The following NEGR1 variants were observed in gnomAD, a reference collection of about 807,000 sequenced individuals.
The protein encoded by NEGR1 is IgLON family member 4.
Under a neutral mutation model 40.9 loss-of-function variants are expected in NEGR1, and 10 were observed. That is an observed-to-expected ratio of 0.24 (90% confidence interval 0.15 to 0.42). The LOEUF (loss-of-function observed/expected upper bound fraction) is 0.42, where lower values mean the gene tolerates loss of function less well. Among genes scored for constraint, NEGR1 ranks in the 10% least tolerant of loss-of-function variants. The pLI, the probability that NEGR1 is intolerant of heterozygous loss-of-function variation, is 1.00. For missense variants in NEGR1, 352 were observed against 438.9 expected (o/e 0.80, Z 1.77); for synonymous variants, 185 against 166.8 (o/e 1.11, Z -0.84).
rs1031810385 is a variant in NEGR1 at position 72,274,718 on chromosome 1, A to G, written c.176+7601T>C. ...GAAGAAATCATTGTGCAGAATGGAA[A>G]AGTAATTGGAGTAAAATCGGAAGGA... On this transcript the variant is annotated intron_variant, in intron 1 of 6. Transcript: ENST00000357731. The G allele has an allele frequency of 8.8e-6, 9 of 1,027,086 alleles. 1 individual carries two copies. The East Asian group carries it at 1.4e-4, about 16-fold the overall frequency. The allele number at this position is 1,027,086 out of a possible 1,614,324, so 63.6% of individuals were successfully genotyped here. A position where few individuals can be genotyped will look rare whatever the true frequency, so the allele number is the denominator to read the frequency against.
At chr1:71,698,512 G>C (rs978212120) in intron 3 of NEGR1, among the ~76,000 whole-genome samples, 2 of 151,942 alleles carry the variant, frequency 1.3e-5, no homozygotes, top group South Asian at 2.1e-4. Context: ...TCTCTACTGT[G>C]TGAGCTAGAA....
Position 72,055,074 on chromosome 1 carries a change from C to T in NEGR1, c.177-119763G>A, listed in dbSNP as rs181541554. 1.3e-3 allele frequency among the ~76,000 whole-genome samples: 201 copies of T among 151,138 alleles called. 3 individuals are homozygous for T. In the East Asian group the frequency reaches 0.016, roughly 12 times the overall value. The stretch of plus-strand genomic sequence containing the variant: ...GCAAGTTAACACATTCAATAGGTGA[C>T]GTAGACCACATGTTTTTCCTTAAAA... On this transcript the variant is annotated intron_variant, in intron 1 of 6. Coordinates refer to ENST00000357731, the MANE Select transcript of NEGR1 (RefSeq NM_173808.3).
chr1:72,063,107 C>T (rs1173213000), intron 1 of NEGR1, among the ~76,000 whole-genome samples: 1 of 151,548 alleles, frequency 6.6e-6, no homozygotes, highest in Admixed American at 6.6e-5. Flanking sequence ...CTGTTCAGTC[C>T]CAGTTTATTT....
chr1:72,031,801 C>A (rs1181054605), intron 1 of NEGR1, among the ~76,000 whole-genome samples: 1 of 151,960 alleles, frequency 6.6e-6, no homozygotes, highest in Non-Finnish European at 1.5e-5. Flanking sequence ...AAGGTTTGAG[C>A]CTAAAATAAG....
intron 1 of NEGR1, among the ~76,000 whole-genome samples, chr1:72,083,485 A>C (rs1648085423): frequency 6.6e-6 from 1 of 152,158 alleles, no homozygotes; most frequent in African/African-American, 2.4e-5. Flanking sequence ...CAGCTTCAAA[A>C]GTAGTTGGGA....
At chr1:71,558,070 T>G (rs1304294639) in intron 6 of NEGR1, among the ~76,000 whole-genome samples, 1 of 151,530 alleles carries the variant, frequency 6.6e-6, no homozygotes, top group East Asian at 2.0e-4. Flanking sequence ...TTTATCATAT[T>G]AAGGATAGAT....
chr1:71,968,746 T>C (rs1646231893), intron 1 of NEGR1, among the ~76,000 whole-genome samples: 3 of 152,230 alleles, frequency 2.0e-5, no homozygotes, highest in Non-Finnish European at 4.4e-5. Context: ...CTAGGTTTCA[T>C]TATGTGTAAA....
chr1:71,621,398 G>A (rs1441784951), intron 4 of NEGR1, among the ~76,000 whole-genome samples: 2 of 151,724 alleles, frequency 1.3e-5, no homozygotes, highest in African/African-American at 2.4e-5. Context: ...AACTGTGGTG[G>A]TACATTACTT....
intron 5 of NEGR1, among the ~76,000 whole-genome samples, chr1:71,607,721 G>T (rs1650115502): frequency 6.6e-6 from 1 of 152,030 alleles, no homozygotes; most frequent in Non-Finnish European, 1.5e-5. Context: ...TTGAGAGAGA[G>T]TATCGCTCTG....
At chr1:71,523,188 T>C (rs1647173411) in intron 6 of NEGR1, among the ~76,000 whole-genome samples, 1 of 151,732 alleles carries the variant, frequency 6.6e-6, no homozygotes, top group African/African-American at 2.4e-5. Flanking sequence ...TGGGTTGTTG[T>C]GAGGATGGGA....
intron 1 of NEGR1, among the ~76,000 whole-genome samples, chr1:72,065,393 G>T (rs1193090739): frequency 6.6e-6 from 1 of 151,918 alleles, no homozygotes; most frequent in Non-Finnish European, 1.5e-5. Flanking sequence ...GTCACAATAT[G>T]GTAGCTACTG....
chr1:71,650,769 A>G (rs1464060969), intron 4 of NEGR1, among the ~76,000 whole-genome samples: 3 of 152,166 alleles, frequency 2.0e-5, no homozygotes, highest in Non-Finnish European at 4.4e-5. Context: ...TTTGTAGTAT[A>G]AAAGAAAAAA....
intron 3 of NEGR1, among the ~76,000 whole-genome samples, chr1:71,704,640 ACTTTGT>A (rs373626331): frequency 1.3e-5 from 2 of 152,020 alleles, no homozygotes; most frequent in Admixed American, 6.5e-5. Flanking sequence ...CAAGAAATTG[ACTTTGT>A]AATTAAAAGA....
chr1:72,127,529 C>T (rs1228414053), intron 1 of NEGR1, among the ~76,000 whole-genome samples: 3 of 148,000 alleles, frequency 2.0e-5, no homozygotes, highest in African/African-American at 7.5e-5. Flanking sequence ...TATTTATCAC[C>T]TCTATAAACT....
intron 3 of NEGR1, among the ~76,000 whole-genome samples, chr1:71,715,282 A>C (rs1654237704): frequency 6.6e-6 from 1 of 152,182 alleles, no homozygotes; most frequent in South Asian, 2.1e-4. Context: ...CTTTTCTCTT[A>C]GGCCTCTGGG....
At chr1:71,655,915 A>G (rs777804738) in intron 4 of NEGR1, among the ~76,000 whole-genome samples, 24 of 152,212 alleles carry the variant, frequency 1.6e-4, no homozygotes, top group Non-Finnish European at 1.2e-4. Flanking sequence ...GCTTCTGCTT[A>G]GTAACAATAA....
At chr1:71,613,518 G>A (rs1305825148) in intron 4 of NEGR1, among the ~76,000 whole-genome samples, 1 of 151,926 alleles carries the variant, frequency 6.6e-6, no homozygotes, top group African/African-American at 2.4e-5. Context: ...ATAGTGGTGG[G>A]CACCTGTAAT....
chr1:71,961,906 C>T (rs1570556825), intron 1 of NEGR1, among the ~76,000 whole-genome samples: 1 of 152,054 alleles, frequency 6.6e-6, no homozygotes, highest in East Asian at 1.9e-4. Flanking sequence ...CTCTAAGCTC[C>T]ATTTGTTTTC....
At chr1:72,190,979 GT>G (rs1652799916) in intron 1 of NEGR1, among the ~76,000 whole-genome samples, 1 of 151,232 alleles carries the variant, frequency 6.6e-6, no homozygotes, top group Admixed American at 6.6e-5. Context: ...CATTTTGCTG[GT>G]TTTTGACACT....
Sources: gnomAD v4.1 joint callset for allele counts (sites outside exome capture counted in the v4.1 genomes callset) on GRCh38, gnomAD v4.1.1 for gene constraint, MANE v1.5 for transcripts, NCBI Gene and HGNC (gene_info 2026-07-23, HGNC 2026-07-21) for gene names.